The following XPO4 variants were observed in gnomAD, a reference collection of about 807,000 sequenced individuals.
XPO4 encodes exportin-4.
In XPO4, 39 loss-of-function variants were observed where a neutral mutation model predicts 143.0. The ratio of observed to expected loss-of-function variants is 0.27; its 90% CI spans 0.21 to 0.36. The LOEUF (loss-of-function observed/expected upper bound fraction) is 0.36. Ranked by LOEUF, XPO4 falls within the 10% of genes least tolerant of loss-of-function variation. The pLI is 1.00. For missense variants in XPO4, 907 were observed against 1,348.0 expected (o/e 0.67, Z 5.12); for synonymous variants, 439 against 474.0 (o/e 0.93, Z 0.96).
chr13:20,868,530 G>A, intron 2 of XPO4, 66 bp downstream of exon 2: 1 of 1,550,918 alleles, frequency 6.4e-7, no homozygotes, highest in Non-Finnish European at 8.6e-7. Flanking sequence ...AATAGCTAAT[G>A]TTTAAGACAG....
Position 20,783,751 on chromosome 13 carries a change from T to C in XPO4, c.3427A>G (p.Asn1143Asp). Residue 1143 changes from asparagine (N) to aspartate (D), a missense_variant, in exon 23 of 23, where the codon AAT (asparagine) becomes GAT (aspartate). Transcript: ENST00000255305. ...TTTACACAAAGGAGACCACCAACATTTGCCATAAATTCTTCTAAACTCTTT... is the reference window on the plus strand; with the variant it reads ...TTTACACAAAGGAGACCACCAACATCTGCCATAAATTCTTCTAAACTCTTT... Reference protein sequence around the residue: ...FLKSLEEFMANVGGLLCVK With the variant: ...FLKSLEEFMADVGGLLCVK 6.2e-7 allele frequency: 1 copy of C among 1,614,218 alleles called. No homozygotes were observed. The highest frequency in any genetic ancestry group is 8.5e-7 in the Non-Finnish European group (1 of 1,180,026).
At position 20,780,979 on chromosome 13, in the gene XPO4, GAAAAT is replaced by G. The variant is rs1388424779; in HGVS notation, c.*2738_*2742del. 1 of 151,994 alleles carries G rather than the reference GAAAAT, an allele frequency of 6.6e-6. No homozygotes were observed. The highest frequency in any genetic ancestry group is 2.4e-5 in the African/African-American group (1 of 41,376). 9.4% of individuals were successfully genotyped at this position (151,994 alleles called of 1,614,324 possible). The stretch of plus-strand genomic sequence containing the variant: ...TGCCTTGGGAAATAAATGGGTCAAG[GAAAAT>G]AAAATGAGAAACAAACAAAGGATGT... On this transcript the variant is annotated 3_prime_UTR_variant, in exon 23 of 23. Coordinates refer to ENST00000255305, the MANE Select transcript of XPO4 (RefSeq NM_022459.5).
chr13:20,813,054 A>G (rs1174873613), intron 9 of XPO4, among the ~76,000 whole-genome samples: 1 of 152,130 alleles, frequency 6.6e-6, no homozygotes, highest in Non-Finnish European at 1.5e-5. Context: ...GAAACTTACA[A>G]TCATGGTGGA....
chr13:20,848,637 TA>T, intron 4 of XPO4: 1 of 985,354 alleles, frequency 1.0e-6, no homozygotes, highest in South Asian at 4.7e-5. Context: ...TTACACCACT[TA>T]AAAAACAGAG....
At chr13:20,874,127 A>G (rs116200338) in intron 1 of XPO4, among the ~76,000 whole-genome samples, 1,550 of 152,308 alleles carry the variant, frequency 0.01, 32 homozygotes, top group African/African-American at 0.035. Context: ...GGCGACACAC[A>G]GTTGGGTAGA....
rs1194066359 is a variant in XPO4 at position 20,781,037 on chromosome 13, A to G, written c.*2685T>C. 3 of 152,246 alleles carry G rather than the reference A, an allele frequency of 2.0e-5. No individual in the cohort carries two copies. Among genetic ancestry groups the G allele is most frequent in the African/African-American group, 4.8e-5 (2 of 41,464 alleles). The allele number at this position is 152,246 out of a possible 1,614,324, so 9.4% of individuals were successfully genotyped here. A position where few individuals can be genotyped will look rare whatever the true frequency, so the allele number is the denominator to read the frequency against. ...GGAAAACTAGAGGTTAAAGGATACT[A>G]TATGAACAACAGAAATTTTATAAAA... is the stretch of plus-strand genomic sequence containing the variant. On this transcript the variant is annotated 3_prime_UTR_variant, in exon 23 of 23. Transcript: ENST00000255305.
At chr13:20,879,022 A>C in intron 1 of XPO4, 1 of 863,478 alleles carries the variant, frequency 1.2e-6, no homozygotes, top group Non-Finnish European at 1.4e-6. Context: ...TGAGCTTACA[A>C]GAAATTAAGG....
intron 4 of XPO4, 114 bp from the exon 5 acceptor site, chr13:20,844,000 G>GT (rs1426222639): frequency 1.3e-6 from 1 of 758,212 alleles, no homozygotes; most frequent in African/African-American, 1.7e-5. Context: ...ATCTTCCACT[G>GT]TATCTTTAGA....
intron 3 of XPO4, among the ~76,000 whole-genome samples, chr13:20,858,601 G>GT (rs1327059750): frequency 1.6e-4 from 24 of 152,216 alleles, no homozygotes; most frequent in African/African-American, 5.5e-4. Context: ...GCCAGGTGTG[G>GT]TGGCTCATGC....
At chr13:20,900,701 C>CT (rs2060612654) in intron 1 of XPO4, among the ~76,000 whole-genome samples, 1 of 151,672 alleles carries the variant, frequency 6.6e-6, no homozygotes, top group Non-Finnish European at 1.5e-5. Flanking sequence ...CAACCTCTGC[C>CT]TCCTGGTTCA....
chr13:20,807,593 T>A lies in XPO4; in HGVS notation c.1681A>T (p.Ile561Leu). Residue 561 changes from isoleucine to leucine, a missense_variant, in exon 13 of 23, where the codon ATA becomes TTA. Transcript: ENST00000255305. ...ADDTQGETPL[I>L]PPEIMEYSIK... is the part of the protein sequence containing the mutation. ...GAATATTCCATTATTTCTGGAGGTA[T>A]TAGCGGAGTCTCTCCCTGAGTATCA... 1 of 1,611,734 alleles carries A rather than the reference T, an allele frequency of 6.2e-7. No homozygotes were observed. The highest frequency in any genetic ancestry group is 8.5e-7 in the Non-Finnish European group (1 of 1,179,454).
Position 20,779,368 on chromosome 13 carries a change from A to G in XPO4, c.*4354T>C, listed in dbSNP as rs907110597. The G allele has an allele frequency of 6.6e-6, 1 of 152,670 alleles. No homozygotes were observed. The highest frequency in any genetic ancestry group is 1.5e-5 in the Non-Finnish European group (1 of 68,034). 9.5% of individuals were successfully genotyped at this position (152,670 alleles called of 1,614,324 possible). A position where few individuals can be genotyped will look rare whatever the true frequency, so the allele number is the denominator to read the frequency against. On this transcript the variant is annotated 3_prime_UTR_variant, in exon 23 of 23. Transcript: ENST00000255305. ...ACTTGAGGTCAGATCCCTAGTAGGTACATAGTGCAGATGCAGTATATAATT... is the reference window on the plus strand; with the variant it reads ...ACTTGAGGTCAGATCCCTAGTAGGTGCATAGTGCAGATGCAGTATATAATT...
At chr13:20,856,294 T>C (rs2060143154) in intron 3 of XPO4, 1 of 981,086 alleles carries the variant, frequency 1.0e-6, no homozygotes, top group Non-Finnish European at 1.2e-6. Context: ...AGATACATCA[T>C]TATGGAAACA....
chr13:20,869,469 C>A (rs1460215723), intron 1 of XPO4: 1 of 959,810 alleles, frequency 1.0e-6, no homozygotes, highest in East Asian at 1.2e-4. Context: ...GGAAAGGGGG[C>A]TGGAGGTAGA....
At chr13:20,790,289 A>G (rs1408716870) in intron 19 of XPO4, among the ~76,000 whole-genome samples, 173 bp downstream of exon 19, 1 of 152,240 alleles carries the variant, frequency 6.6e-6, no homozygotes, top group African/African-American at 2.4e-5. Flanking sequence ...GTAAGGGCCC[A>G]TGTTACTGAG....
chr13:20,800,402 C>T, intron 14 of XPO4, 77 bp from the exon 15 acceptor site: 1 of 1,411,728 alleles, frequency 7.1e-7, no homozygotes, highest in Non-Finnish European at 9.6e-7. Context: ...AAAAATCGAA[C>T]TGAAATTAGT....
chr13:20,884,464 C>T (rs576385656), intron 1 of XPO4, among the ~76,000 whole-genome samples: 1 of 152,288 alleles, frequency 6.6e-6, no homozygotes, highest in East Asian at 1.9e-4. Context: ...GGGTATACTG[C>T]AGTAGTACAA....
intron 9 of XPO4, among the ~76,000 whole-genome samples, chr13:20,820,809 T>A (rs190602630): frequency 1.4e-3 from 219 of 152,314 alleles, no homozygotes; most frequent in African/African-American, 5.1e-3. Context: ...TCTGAAGGGA[T>A]ACGAAAAAAC....
At chr13:20,847,844 G>A (rs1272576600) in intron 4 of XPO4, among the ~76,000 whole-genome samples, 4 of 152,130 alleles carry the variant, frequency 2.6e-5, no homozygotes, top group African/African-American at 9.7e-5. Flanking sequence ...CTTCTAAGAG[G>A]TTAATACAAC....
Sources: gnomAD v4.1 joint callset for allele counts (sites outside exome capture counted in the v4.1 genomes callset) on GRCh38, gnomAD v4.1.1 for gene constraint, MANE v1.5 for transcripts, NCBI Gene and HGNC (gene_info 2026-07-23, HGNC 2026-07-21) for gene names.